CDH12: variants seen among roughly 807,000 people sequenced by gnomAD.
CDH12 encodes the protein cadherin-12.
In CDH12, 41 loss-of-function variants were observed where a neutral mutation model predicts 74.1. The observed-to-expected ratio is 0.55, with a 90% CI of 0.43 to 0.72. The LOEUF is 0.72. Ranked by LOEUF, CDH12 falls within the 30% of genes least tolerant of loss-of-function variation. The pLI is 0.00. For missense variants in CDH12, 945 were observed against 977.2 expected (o/e 0.97, Z 0.44); for synonymous variants, 399 against 355.0 (o/e 1.12, Z -1.39).
At chr5:22,463,991 T>C (rs1003916052) in intron 2 of CDH12, among the ~76,000 whole-genome samples, 1 of 152,226 alleles carries the variant, frequency 6.6e-6, no homozygotes, top group African/African-American at 2.4e-5. Context: ...CCAAATCTCA[T>C]CTTGAATTGT....
chr5:22,471,084 C>T (rs1010549021), intron 2 of CDH12, among the ~76,000 whole-genome samples: 14 of 128,338 alleles, frequency 1.1e-4, no homozygotes, highest in Non-Finnish European at 2.0e-4. Context: ...CTTTTCTTGT[C>T]AAGCTTCTAG....
At chr5:22,487,043 C>CT (rs57276626) in intron 2 of CDH12, among the ~76,000 whole-genome samples, 139,898 of 150,140 alleles carry the variant, frequency 0.93, 65,255 homozygotes, top group Admixed American at 0.95. Context: ...ATACATACGG[C>CT]TTTTTTTGTG....
At chr5:22,307,341 C>T (rs1738158108) in intron 3 of CDH12, among the ~76,000 whole-genome samples, 1 of 152,178 alleles carries the variant, frequency 6.6e-6, no homozygotes, top group South Asian at 2.1e-4. Flanking sequence ...GGACACAGTA[C>T]ATGCCGTCTT....
chr5:22,792,423 A>G (rs17359278), intron 1 of CDH12, among the ~76,000 whole-genome samples: 8,539 of 152,240 alleles, frequency 0.056, 349 homozygotes, highest in Middle Eastern at 0.12. Flanking sequence ...GGCTTACTGC[A>G]TATTACTTTG....
At chr5:22,177,666 T>A (rs554406481) in intron 4 of CDH12, among the ~76,000 whole-genome samples, 210 of 152,170 alleles carry the variant, frequency 1.4e-3, no homozygotes, top group African/African-American at 3.6e-3. Context: ...GGGGCTGCTA[T>A]TCTAGAGCAA....
intron 1 of CDH12, among the ~76,000 whole-genome samples, chr5:22,680,513 T>C (rs1171745108): frequency 6.6e-6 from 1 of 152,088 alleles, no homozygotes; most frequent in African/African-American, 2.4e-5. Context: ...GCTCATAGCA[T>C]GTTGATGACT....
At chr5:22,686,339 C>A (rs888973461) in intron 1 of CDH12, among the ~76,000 whole-genome samples, 4 of 152,064 alleles carry the variant, frequency 2.6e-5, no homozygotes, top group Non-Finnish European at 4.4e-5. Context: ...TTGTCTTTCA[C>A]TTTAGGGATG....
intron 3 of CDH12, among the ~76,000 whole-genome samples, chr5:22,325,694 G>T (rs1411203593): frequency 6.6e-6 from 1 of 152,086 alleles, no homozygotes; most frequent in Non-Finnish European, 1.5e-5. Context: ...AGACCATCCT[G>T]GCTAACGCGG....
At chr5:22,423,903 T>TGA (rs1743767638) in intron 2 of CDH12, among the ~76,000 whole-genome samples, 1 of 145,524 alleles carries the variant, frequency 6.9e-6, no homozygotes, top group Admixed American at 7.2e-5. Flanking sequence ...CTTGGGTGGC[T>TGA]GAGGCAGGAG....
intron 5 of CDH12, among the ~76,000 whole-genome samples, chr5:22,046,556 G>A (rs139339877): frequency 1.5e-3 from 223 of 149,680 alleles, no homozygotes; most frequent in Middle Eastern, 0.014. Flanking sequence ...CTCAGCCTCC[G>A]GTCATTTAAT....
At chr5:22,034,687 A>G (rs368400781) in intron 5 of CDH12, among the ~76,000 whole-genome samples, 4 of 152,336 alleles carry the variant, frequency 2.6e-5, no homozygotes. Context: ...AAACTTTCAT[A>G]TTTGAAAAAC....
At chr5:22,636,490 A>T (rs915863135) in intron 1 of CDH12, among the ~76,000 whole-genome samples, 1 of 152,234 alleles carries the variant, frequency 6.6e-6, no homozygotes, top group Admixed American at 6.5e-5. Context: ...TAGTAATAAA[A>T]ATGAAGTATT....
chr5:22,466,175 G>A (rs1425325260), intron 2 of CDH12, among the ~76,000 whole-genome samples: 1 of 152,194 alleles, frequency 6.6e-6, no homozygotes, highest in African/African-American at 2.4e-5. Context: ...TTGGCCAGAT[G>A]TTGATAACCC....
At chr5:22,181,610 C>T (rs1749650270) in intron 4 of CDH12, among the ~76,000 whole-genome samples, 1 of 152,096 alleles carries the variant, frequency 6.6e-6, no homozygotes, top group Admixed American at 6.5e-5. Context: ...GTTTTATTCA[C>T]ATGCACTTAA....
intron 5 of CDH12, among the ~76,000 whole-genome samples, chr5:22,071,673 A>G (rs889981053): frequency 1.3e-5 from 2 of 152,138 alleles, no homozygotes; most frequent in African/African-American, 4.8e-5. Flanking sequence ...TATGGTTTTA[A>G]CTACCATCTG....
At chr5:22,836,611 C>T (rs1190637566) in intron 1 of CDH12, among the ~76,000 whole-genome samples, 3 of 151,978 alleles carry the variant, frequency 2.0e-5, no homozygotes, top group African/African-American at 4.8e-5. Context: ...ATTGAAATGC[C>T]TCTTTTCCAC....
Position 22,449,888 on chromosome 5 carries a change from T to C in CDH12, c.-427-44537A>G, listed in dbSNP as rs150878565. On this transcript the variant is annotated intron_variant, in intron 2 of 14. Transcript: ENST00000382254. ...ACACATTCATTTGCATTTATTGATA[T>C]GGACAATGTTGCAGTATTATTTTAT... Among the ~76,000 whole-genome samples, 1,241 of 152,142 alleles carry C rather than the reference T, an allele frequency of 8.2e-3. 15 individuals are homozygous for C. Among genetic ancestry groups the C allele is most frequent in the African/African-American group, 0.029 (1,185 of 41,546 alleles).
chr5:22,522,437 G>T (rs980632093), intron 1 of CDH12, among the ~76,000 whole-genome samples: 1 of 152,138 alleles, frequency 6.6e-6, no homozygotes, highest in African/African-American at 2.4e-5. Context: ...TTTAAGTGTT[G>T]CTTGGGAAAA....
chr5:22,563,081 T>C (rs544795321), intron 1 of CDH12, among the ~76,000 whole-genome samples: 1 of 147,824 alleles, frequency 6.8e-6, no homozygotes, highest in Non-Finnish European at 1.5e-5. Context: ...TATATTTATA[T>C]ATATATATGT....
Sources: allele counts gnomAD v4.1 joint callset (sites outside exome capture counted in the v4.1 genomes callset), GRCh38; gene constraint gnomAD v4.1.1; transcripts MANE v1.5; gene names NCBI Gene and HGNC (gene_info 2026-07-23, HGNC 2026-07-21).